Variants in UMPS observed in about 807,000 individuals in gnomAD.
UMPS encodes the protein uridine 5'-monophosphate synthase.
A neutral mutation model predicts 38.9 loss-of-function variants in UMPS; 21 were observed. The observed-to-expected ratio is 0.54, with a 90% CI of 0.38 to 0.78. The LOEUF (loss-of-function observed/expected upper bound fraction) is 0.78. Ranked by LOEUF, UMPS falls within the 30% of genes least tolerant of loss-of-function variation. UMPS has a pLI of 0.00. For synonymous variants in UMPS, 208 were observed against 219.3 expected (o/e 0.95, Z 0.45); for missense variants, 533 against 591.6 (o/e 0.90, Z 1.03).
chr3:124,732,803 T>C (rs1263385716), intron 1 of UMPS, among the ~76,000 whole-genome samples: 4 of 152,236 alleles, frequency 2.6e-5, no homozygotes, highest in Admixed American at 2.6e-4. Context: ...GTTGGACTAT[T>C]AAGGTTGCGG....
rs1399285719 is a variant in UMPS at position 124,742,471 on chromosome 3, TA to T, written c.1273+207del. 3 of 596,370 alleles carry T rather than the reference TA, an allele frequency of 5.0e-6. No individual in the cohort carries two copies. In the African/African-American group the frequency reaches 5.6e-5, roughly 11 times the overall value. 36.9% of individuals were successfully genotyped at this position (596,370 alleles called of 1,614,324 possible). A position where few individuals can be genotyped will look rare whatever the true frequency, so the allele number is the denominator to read the frequency against. On this transcript the variant is annotated intron_variant, in intron 5 of 5. Transcript: ENST00000232607. ...CTAATTGTCTGTAAAATGGGGATGATAACAGTATTGACCTCATAAGGTAATC... is the reference window on the plus strand; with the variant it reads ...CTAATTGTCTGTAAAATGGGGATGATACAGTATTGACCTCATAAGGTAATC...
In UMPS at chr3:124,744,809, A is replaced by T. The variant is rs2242247; in HGVS notation, c.*725A>T. 0.19 allele frequency: 84,213 copies of T among 453,854 alleles called. 8,622 individuals are homozygous for T. Among genetic ancestry groups the T allele is most frequent in the Admixed American group, 0.29 (12,436 of 42,560 alleles). 28.1% of individuals were successfully genotyped at this position (453,854 alleles called of 1,614,324 possible). A position where few individuals can be genotyped will look rare whatever the true frequency, so the allele number is the denominator to read the frequency against. ...CTGTCTAATGTGTTGCCCAAATAAT[A>T]CCTAATTGTTAGCCATTCCCCTCCA... On this transcript the variant is annotated 3_prime_UTR_variant, in exon 6 of 6. Transcript: ENST00000232607.
At position 124,746,260 on chromosome 3, in the gene UMPS, C is replaced by T. The variant is rs528523433; in HGVS notation, c.*2176C>T. 6.6e-6 allele frequency: 3 copies of T among 454,088 alleles called. No individual in the cohort carries two copies. Among genetic ancestry groups the T allele is most frequent in the African/African-American group, 2.0e-5 (1 of 50,094 alleles). The allele number at this position is 454,088 out of a possible 1,614,324, so 28.1% of individuals were successfully genotyped here. ...AGGAGGCTCAAATAATCACCCAGCC[C>T]CTGCCACTTACTGAAAGTGTAGGTC... is the stretch of plus-strand genomic sequence containing the variant. On this transcript the variant is annotated 3_prime_UTR_variant, in exon 6 of 6. Transcript: ENST00000232607.
intron 2 of UMPS, among the ~76,000 whole-genome samples, chr3:124,736,517 G>C (rs772087282): frequency 6.6e-6 from 1 of 151,642 alleles, no homozygotes; most frequent in Non-Finnish European, 1.5e-5. Flanking sequence ...TGCCCAGGCT[G>C]GTCTTGAACT....
At position 124,748,970 on chromosome 3, in the gene UMPS, A is replaced by G; in HGVS notation, c.*4886A>G. ...GACGGGCCGCACAACCAAGGTTCTC[A>G]TGAGGACAACCATGTCTTCGGGGGT... On this transcript the variant is annotated 3_prime_UTR_variant, in exon 6 of 6. Coordinates refer to ENST00000232607, the MANE Select transcript of UMPS (RefSeq NM_000373.4). 2.2e-6 allele frequency: 1 copy of G among 454,096 alleles called. No homozygotes were observed. Among genetic ancestry groups the G allele is most frequent in the Non-Finnish European group, 4.4e-6 (1 of 226,758 alleles). The allele number at this position is 454,096 out of a possible 1,614,324, so 28.1% of individuals were successfully genotyped here.
At chr3:124,742,071 TGAAAAAATAGAGCATA>T in intron 4 of UMPS, 65 bp from the exon 5 acceptor site, 1 of 1,136,936 alleles carries the variant, frequency 8.8e-7, no homozygotes, top group Non-Finnish European at 1.3e-6. Context: ...TTTTAAGTTT[TGAAAAAATAGAGCATA>T]TTTTTACTTT....
At chr3:124,743,770 T>C in intron 5 of UMPS, 145 bp from the exon 6 acceptor site, 2 of 943,776 alleles carry the variant, frequency 2.1e-6, no homozygotes, top group Non-Finnish European at 3.1e-6. Flanking sequence ...CAGCTCCTGT[T>C]TTTACGCAGT....
At chr3:124,741,987 A>G (rs952580325) in intron 4 of UMPS, among the ~76,000 whole-genome samples, 165 bp from the exon 5 acceptor site, 15 of 151,966 alleles carry the variant, frequency 9.9e-5, no homozygotes. Flanking sequence ...AGGCCAAGGT[A>G]GGAGGATCCC....
At chr3:124,739,155 A>T (rs1262825515) in intron 3 of UMPS, among the ~76,000 whole-genome samples, 1 of 152,198 alleles carries the variant, frequency 6.6e-6, no homozygotes, top group Non-Finnish European at 1.5e-5. Flanking sequence ...TCAGCTCTGC[A>T]TAGAGTTTTT....
In UMPS at chr3:124,737,554, T is replaced by G. The variant is rs1182352331; in HGVS notation, c.311-14T>G. 1.9e-6 allele frequency: 3 copies of G among 1,614,026 alleles called. No individual in the cohort carries two copies. Among genetic ancestry groups the G allele is most frequent in the South Asian group, 2.2e-5 (2 of 91,008 alleles). Reference sequence around the variant, plus strand: ...TATTTAAATTTGGAATCAGCAAAATTTTTTCTTTTCTAGGAACTAAGCGTC... The same window carrying G: ...TATTTAAATTTGGAATCAGCAAAATGTTTTCTTTTCTAGGAACTAAGCGTC... On this transcript the variant is annotated splice_polypyrimidine_tract_variant and intron_variant, in intron 2 of 5. Transcript: ENST00000232607.
At chr3:124,740,242 A>C (rs758369284) in intron 4 of UMPS, 43 bp downstream of exon 4, 5 of 1,534,810 alleles carry the variant, frequency 3.3e-6, no homozygotes, top group Non-Finnish European at 3.5e-6. Flanking sequence ...AGGGGCTGCT[A>C]TGCTGCATGC....
intron 4 of UMPS, among the ~76,000 whole-genome samples, 182 bp from the exon 5 acceptor site, chr3:124,741,970 C>T (rs1372025636): frequency 6.6e-6 from 1 of 151,536 alleles, no homozygotes; most frequent in African/African-American, 2.4e-5. Context: ...AACCCCAGCA[C>T]TTTGGGAGGC....
chr3:124,742,048 C>CTT (rs5852426), intron 4 of UMPS, 104 bp from the exon 5 acceptor site: 247 of 784,384 alleles, frequency 3.1e-4, no homozygotes, highest in South Asian at 4.1e-4. Context: ...GACCTCATGT[C>CTT]TTTTTTTTTT....
In UMPS at chr3:124,735,101, T is replaced by C; in HGVS notation, c.165T>C (p.Asp55=). ...TGTTCATTTTCTTACAGGTTGCAGA[T>C]ATTTTATTCCAAACTGCCCAAAATG... The part of the protein sequence containing the change: ...SRPRLLSQVA[D]ILFQTAQNAG... The change falls in exon 2 of 6, where the codon GAT becomes GAC. Residue 55 remains aspartate (D), a synonymous_variant. Coordinates refer to ENST00000232607, the MANE Select transcript of UMPS (RefSeq NM_000373.4). 1 of 1,613,716 alleles carries C rather than the reference T, an allele frequency of 6.2e-7. No homozygotes were observed. The highest frequency in any genetic ancestry group is 2.2e-5 in the East Asian group (1 of 44,878).
In UMPS at chr3:124,745,488, C is replaced by T. The variant is rs1369685950; in HGVS notation, c.*1404C>T. 2 of 453,994 alleles carry T rather than the reference C, an allele frequency of 4.4e-6. No individual in the cohort carries two copies. The highest frequency in any genetic ancestry group is 8.8e-6 in the Non-Finnish European group (2 of 226,770). The allele number at this position is 453,994 out of a possible 1,614,324, so 28.1% of individuals were successfully genotyped here. A position where few individuals can be genotyped will look rare whatever the true frequency, so the allele number is the denominator to read the frequency against. ...AAGCAGTTCTCCTGCCTCAGCCTCC[C>T]GAGTAGCTGGGACTACAAGCCTAGG... On this transcript the variant is annotated 3_prime_UTR_variant, in exon 6 of 6. Transcript: ENST00000232607.
At chr3:124,736,268 A>G (rs1216761841) in intron 2 of UMPS, among the ~76,000 whole-genome samples, 1 of 152,158 alleles carries the variant, frequency 6.6e-6, no homozygotes, top group East Asian at 1.9e-4. Context: ...CAAAAAATAA[A>G]TAAATAAAAC....
intron 5 of UMPS, among the ~76,000 whole-genome samples, 160 bp from the exon 6 acceptor site, chr3:124,743,755 C>T (rs2063574204): frequency 6.6e-6 from 1 of 152,216 alleles, no homozygotes; most frequent in East Asian, 1.9e-4. Context: ...CCCAGTGAGT[C>T]TCTTCAGCTC....
At chr3:124,740,649 T>C (rs2063549982) in intron 4 of UMPS, among the ~76,000 whole-genome samples, 1 of 152,114 alleles carries the variant, frequency 6.6e-6, no homozygotes, top group Non-Finnish European at 1.5e-5. Flanking sequence ...TAGAATATAA[T>C]ATTACTTTAA....
rs58981387 is a variant in UMPS, at chr3:124,746,755, TTGTG to T, written c.*2710_*2713del. 9.0e-3 allele frequency: 3,761 copies of T among 420,212 alleles called. 12 individuals are homozygous for T. The highest frequency in any genetic ancestry group is 0.019 in the South Asian group (1,096 of 59,194). 26.0% of individuals were successfully genotyped at this position (420,212 alleles called of 1,614,324 possible). On this transcript the variant is annotated 3_prime_UTR_variant, in exon 6 of 6. Coordinates refer to ENST00000232607, the MANE Select transcript of UMPS (RefSeq NM_000373.4). ...ATTCTGTAGAACATAAGCCCATAGA[TTGTG>T]TGTGTGTGTGTGTGTGTGTGTGTGT...
Sources: gnomAD v4.1 joint callset for allele counts (sites outside exome capture counted in the v4.1 genomes callset) on GRCh38, gnomAD v4.1.1 for gene constraint, MANE v1.5 for transcripts, NCBI Gene and HGNC (gene_info 2026-07-23, HGNC 2026-07-21) for gene names.